Variants in SPATC1L observed in about 807,000 individuals in gnomAD.
The protein encoded by SPATC1L is spermatogenesis and centriole associated 1 like, also known as speriolin-like protein.
A neutral mutation model predicts 21.2 loss-of-function variants in SPATC1L; 20 were observed. The observed-to-expected ratio is 0.94, with a 90% CI of 0.66 to 1.37. SPATC1L has a LOEUF of 1.37. SPATC1L is among the 40% of genes most tolerant of loss of function. SPATC1L has a pLI of 0.00. For synonymous variants in SPATC1L, 290 were observed against 234.5 expected (o/e 1.24, Z -2.16); for missense variants, 499 against 478.7 (o/e 1.04, Z -0.40).
At chr21:46,164,200 A>G (rs963546192) in intron 3 of SPATC1L, among the ~76,000 whole-genome samples, 1 of 151,980 alleles carries the variant, frequency 6.6e-6, no homozygotes, top group East Asian at 1.9e-4. Context: ...GTTGGTAGAG[A>G]TGGGGTTTCG....
Position 46,162,020 on chromosome 21 carries a change from C to G in SPATC1L, c.592G>C (p.Glu198Gln), listed in dbSNP as rs145843473. The G allele has an allele frequency of 6.3e-7, 1 of 1,596,586 alleles. No homozygotes were observed. The highest frequency in any genetic ancestry group is 8.5e-7 in the Non-Finnish European group (1 of 1,173,966). ...CGGCGGTCCAGCTGGAAGGCGATCTCGCCCACCACGCGCGCGTCCTTCTCG... is the reference window on the plus strand; with the variant it reads ...CGGCGGTCCAGCTGGAAGGCGATCTGGCCCACCACGCGCGCGTCCTTCTCG... Reference protein sequence around the residue: ...GAEKDARVVGEIAFQLDRRIL... With the variant: ...GAEKDARVVGQIAFQLDRRIL... The change falls in exon 4 of 5, where the codon GAG (glutamate) becomes CAG (glutamine). Residue 198 changes from glutamate to glutamine, a missense_variant. Coordinates refer to ENST00000291672, the MANE Select transcript of SPATC1L (RefSeq NM_001142854.2).
chr21:46,182,968 A>T lies in SPATC1L; in HGVS notation c.-152T>A. The T allele has an allele frequency of 1.2e-6, 1 of 808,408 alleles. No individual in the cohort carries two copies. 50.1% of individuals were successfully genotyped at this position (808,408 alleles called of 1,614,324 possible). ...TTGTGATGTCACTGCCCTAGTGATG[A>T]GGTGCCCAGCACCCTGCCTGCCCCC... On this transcript the variant is annotated 5_prime_UTR_variant, in exon 2 of 5. Coordinates refer to ENST00000291672, the MANE Select transcript of SPATC1L (RefSeq NM_001142854.2).
chr21:46,167,177 C>T (rs1226926349), intron 3 of SPATC1L, among the ~76,000 whole-genome samples: 1 of 152,178 alleles, frequency 6.6e-6, no homozygotes, highest in Non-Finnish European at 1.5e-5. Context: ...ATGGCCAGTG[C>T]ATCAGTGAAG....
At chr21:46,176,239 C>T (rs1433989585) in intron 2 of SPATC1L, among the ~76,000 whole-genome samples, 1 of 152,196 alleles carries the variant, frequency 6.6e-6, no homozygotes, top group Non-Finnish European at 1.5e-5. Context: ...AGAATGCCCT[C>T]TCTCACCACT....
intron 2 of SPATC1L, among the ~76,000 whole-genome samples, chr21:46,174,350 A>AAAAAAAAAAAAAAAC: frequency 6.7e-6 from 1 of 148,160 alleles, no homozygotes; most frequent in South Asian, 2.3e-4. Flanking sequence ...AAAACAAAAA[A>AAAAAAAAAAAAAAAC]AAAAAAAAAA....
rs2079555362 is a variant in SPATC1L, at chr21:46,168,314, G to A, written c.538C>T (p.Leu180Phe). The change falls in exon 3 of 5, where the codon CTC becomes TTC. Residue 180 changes from leucine (L) to phenylalanine (F), a missense_variant. By Grantham distance (22) the Leu-to-Phe change is conservative. Transcript: ENST00000291672. ...TGDRTRRSYY[L>F]NEIQSFAGAE... ...CCCCCGCACCCGGCCATACCATTGA[G>A]GTAGTAGCTCCTCCTGGTCCTGTCC... 2 of 1,577,496 alleles carry A rather than the reference G, an allele frequency of 1.3e-6. No homozygotes were observed. The highest frequency in any genetic ancestry group is 1.7e-6 in the Non-Finnish European group (2 of 1,153,296).
Position 46,183,286 on chromosome 21 carries a change from T to C in SPATC1L, c.-470A>G, listed in dbSNP as rs1337650112. The C allele has an allele frequency of 1.2e-5, 2 of 170,702 alleles. No individual in the cohort carries two copies. The highest frequency in any genetic ancestry group is 2.5e-5 in the Non-Finnish European group (2 of 80,114). The allele number at this position is 170,702 out of a possible 1,614,324, so 10.6% of individuals were successfully genotyped here. A position where few individuals can be genotyped will look rare whatever the true frequency, so the allele number is the denominator to read the frequency against. The stretch of plus-strand genomic sequence containing the variant: ...CCTGCCCAGGACACAGGGTTCCCAG[T>C]GCAGCTTCCTGTGGACCCTGGCACC... On this transcript the variant is annotated 5_prime_UTR_variant, in exon 2 of 5. Transcript: ENST00000291672.
Position 46,182,799 on chromosome 21 carries a change from C to T in SPATC1L, c.18G>A (p.Glu6=). Residue 6 remains glutamate (E), a synonymous_variant, in exon 2 of 5, where the codon GAG becomes GAA. Transcript: ENST00000291672. Reference sequence around the variant, plus strand: ...TCTCGCTCAGGAGCCGGCTCATCAGCTCGCCGCCTTCAGCCATGGCGGGTG... The same window carrying T: ...TCTCGCTCAGGAGCCGGCTCATCAGTTCGCCGCCTTCAGCCATGGCGGGTG... MAEGG[E]LMSRLLSENA... 6.5e-7 allele frequency: 1 copy of T among 1,542,210 alleles called. No homozygotes were observed. The highest frequency in any genetic ancestry group is 1.2e-5 in the South Asian group (1 of 83,328).
chr21:46,161,284 G>T lies in SPATC1L; in HGVS notation c.*95C>A. 8.1e-7 allele frequency: 1 copy of T among 1,238,712 alleles called. No individual in the cohort carries two copies. The highest frequency in any genetic ancestry group is 1.1e-6 in the Non-Finnish European group (1 of 933,966). The allele number at this position is 1,238,712 out of a possible 1,614,324, so 76.7% of individuals were successfully genotyped here. ...TCTGGCCTCGCGCGCGGGGGACGCG[G>T]CCCTTTCCCCTCCGGGGGGACGCGC... On this transcript the variant is annotated 3_prime_UTR_variant, in exon 5 of 5. Coordinates refer to ENST00000291672, the MANE Select transcript of SPATC1L (RefSeq NM_001142854.2).
Position 46,168,501 on chromosome 21 carries a change from G to C in SPATC1L, c.351C>G (p.Phe117Leu), listed in dbSNP as rs1049294112. The change falls in exon 3 of 5, where the codon TTC becomes TTG. Residue 117 changes from phenylalanine (F) to leucine (L), a missense_variant. Transcript: ENST00000291672. ...AAPSQAPFKA[F>L]LSPPEPHSHR... is the part of the protein sequence containing the mutation. ...GGCTATGTGGCTCTGGGGGACTGAG[G>C]AAGGCCTTGAAGGGTGCCTGGGAGG... 1 of 1,553,010 alleles carries C rather than the reference G, an allele frequency of 6.4e-7. No homozygotes were observed. Among genetic ancestry groups the C allele is most frequent in the Non-Finnish European group, 8.7e-7 (1 of 1,146,732 alleles).
At chr21:46,182,580 G>C (rs942110944) in intron 2 of SPATC1L, 44 bp downstream of exon 2, 1 of 1,420,374 alleles carries the variant, frequency 7.0e-7, no homozygotes, top group South Asian at 1.5e-5. Context: ...GGCGTCCCGC[G>C]ACCCCCTCAT....
At position 46,183,448 on chromosome 21, in the gene SPATC1L, G is replaced by C. The variant is rs538340113; in HGVS notation, c.-632C>G. The C allele has an allele frequency of 5.7e-5, 10 of 174,316 alleles. No individual in the cohort carries two copies. The highest frequency in any genetic ancestry group is 2.5e-4 in the African/African-American group (10 of 40,574). 10.8% of individuals were successfully genotyped at this position (174,316 alleles called of 1,614,324 possible). A position where few individuals can be genotyped will look rare whatever the true frequency, so the allele number is the denominator to read the frequency against. ...CAGCCTGGTGGGGAGACCAGCTTGTGGGGGAGACCAGTCTGCGGGGGAGAC... is the reference window on the plus strand; with the variant it reads ...CAGCCTGGTGGGGAGACCAGCTTGTCGGGGAGACCAGTCTGCGGGGGAGAC... On this transcript the variant is annotated 5_prime_UTR_variant, in exon 2 of 5. Transcript: ENST00000291672.
intron 3 of SPATC1L, among the ~76,000 whole-genome samples, chr21:46,166,700 T>A (rs1361431335): frequency 6.6e-6 from 1 of 152,152 alleles, no homozygotes; most frequent in Non-Finnish European, 1.5e-5. Context: ...TATATAATGA[T>A]AAAGGGGTCA....
At chr21:46,164,920 C>T (rs573192571) in intron 3 of SPATC1L, among the ~76,000 whole-genome samples, 3 of 151,938 alleles carry the variant, frequency 2.0e-5, no homozygotes, top group Middle Eastern at 3.4e-3. Context: ...ATTTCTAGTC[C>T]AACCTGGGCT....
Position 46,182,851 on chromosome 21 carries a change from T to A in SPATC1L, c.-35A>T. ...GTCCCTCCTTGTCCCTCACGGCTCCTGCAGCCCCATGGAGGTGGGAGCCCA... is the reference window on the plus strand; with the variant it reads ...GTCCCTCCTTGTCCCTCACGGCTCCAGCAGCCCCATGGAGGTGGGAGCCCA... On this transcript the variant is annotated 5_prime_UTR_variant, in exon 2 of 5. Transcript: ENST00000291672. The A allele has an allele frequency of 6.8e-7, 1 of 1,480,786 alleles. No individual in the cohort carries two copies. The allele number at this position is 1,480,786 out of a possible 1,614,324, so 91.7% of individuals were successfully genotyped here. A position where few individuals can be genotyped will look rare whatever the true frequency, so the allele number is the denominator to read the frequency against.
Position 46,161,547 on chromosome 21 carries a change from C to T in SPATC1L, c.855G>A (p.Leu285=). 2 of 1,610,750 alleles carry T rather than the reference C, an allele frequency of 1.2e-6. No homozygotes were observed. Among genetic ancestry groups the T allele is most frequent in the Non-Finnish European group, 1.7e-6 (2 of 1,179,082 alleles). The part of the protein sequence containing the change: ...SEFLINTYGI[L]KQRPDLRANP... The stretch of plus-strand genomic sequence containing the variant: ...TGGCGCGCAGGTCGGGCCGCTGCTT[C>T]AGGATTCCGTAGGTGTTGATGAGGA... Residue 285 remains leucine (L), a synonymous_variant, in exon 5 of 5, where the codon CTG becomes CTA. Coordinates refer to ENST00000291672, the MANE Select transcript of SPATC1L (RefSeq NM_001142854.2).
At chr21:46,175,383 G>GA (rs1159404324) in intron 2 of SPATC1L, among the ~76,000 whole-genome samples, 6 of 151,818 alleles carry the variant, frequency 4.0e-5, no homozygotes, top group Non-Finnish European at 7.4e-5. Flanking sequence ...CTGGTTTTTT[G>GA]AAAAAATTAA....
Position 46,182,672 on chromosome 21 carries a change from G to A in SPATC1L, c.145C>T (p.Pro49Ser). Residue 49 changes from proline to serine, a missense_variant, in exon 2 of 5, where the codon CCA (proline) becomes TCA (serine). Transcript: ENST00000291672. Reference sequence around the variant, plus strand: ...TCAGGGTAGGCATGCGCCCTGGGTGGGAGCAGGTCGTGGCCGCCGCCCTCC... The same window carrying A: ...TCAGGGTAGGCATGCGCCCTGGGTGAGAGCAGGTCGTGGCCGCCGCCCTCC... ...CQEGGGHDLL[P>S]PRAHAYPEAG... is the part of the protein sequence containing the mutation. 6.5e-7 allele frequency: 1 copy of A among 1,541,178 alleles called. No homozygotes were observed. The highest frequency in any genetic ancestry group is 8.7e-7 in the Non-Finnish European group (1 of 1,146,046).
intron 2 of SPATC1L, among the ~76,000 whole-genome samples, chr21:46,170,873 C>G (rs1179966098): frequency 6.9e-6 from 1 of 145,244 alleles, no homozygotes; most frequent in Non-Finnish European, 1.5e-5. Context: ...TGGGGAGGAG[C>G]CTCCCTGCTC....
Sources: allele counts gnomAD v4.1 joint callset (sites outside exome capture counted in the v4.1 genomes callset), GRCh38; gene constraint gnomAD v4.1.1; transcripts MANE v1.5; gene names NCBI Gene and HGNC (gene_info 2026-07-23, HGNC 2026-07-21).